The following GPC5 variants were observed in gnomAD, a reference collection of about 807,000 sequenced individuals.
GPC5 encodes glypican-5.
GPC5 carries 47 observed loss-of-function variants against 53.9 expected under a neutral mutation model. That is an observed-to-expected ratio of 0.87 (90% CI 0.69 to 1.11). The LOEUF is 1.11. Ranked by LOEUF, GPC5 falls within the 50% of genes most tolerant of loss-of-function variation. The pLI is 0.00. For missense variants in GPC5, 748 were observed against 713.1 expected (o/e 1.05, Z -0.56); for synonymous variants, 286 against 263.3 (o/e 1.09, Z -0.84).
intron 2 of GPC5, among the ~76,000 whole-genome samples, chr13:91,460,004 C>T (rs1228912998): frequency 6.6e-6 from 1 of 152,092 alleles, no homozygotes. Flanking sequence ...AATGCGATAG[C>T]ATTGTATAAA....
chr13:92,660,685 T>G (rs1213835110), intron 7 of GPC5, among the ~76,000 whole-genome samples: 2 of 152,086 alleles, frequency 1.3e-5, no homozygotes, highest in African/African-American at 4.8e-5. Context: ...TTTTGCATAT[T>G]GCATTTAGTT....
intron 7 of GPC5, among the ~76,000 whole-genome samples, chr13:92,793,926 C>A (rs937346055): frequency 6.6e-6 from 1 of 151,998 alleles, no homozygotes; most frequent in South Asian, 2.1e-4. Flanking sequence ...CAGGACCAGA[C>A]GGATTCACAG....
chr13:92,640,313 G>T (rs368673136), intron 7 of GPC5, among the ~76,000 whole-genome samples: 2 of 152,054 alleles, frequency 1.3e-5, no homozygotes, highest in East Asian at 1.9e-4. Flanking sequence ...AGGCTGGAGT[G>T]TAGTGGCGCG....
At chr13:91,569,218 G>C (rs367562061) in intron 2 of GPC5, among the ~76,000 whole-genome samples, 1 of 152,152 alleles carries the variant, frequency 6.6e-6, no homozygotes, top group Non-Finnish European at 1.5e-5. Context: ...AGTGTCACTT[G>C]AAATTAGTGA....
At chr13:92,356,626 C>CTA (rs1156498324) in intron 7 of GPC5, among the ~76,000 whole-genome samples, 2 of 152,020 alleles carry the variant, frequency 1.3e-5, no homozygotes, top group Admixed American at 1.3e-4. Flanking sequence ...TCAGATGACT[C>CTA]TATGGTATTC....
At chr13:92,685,473 T>A (rs1476892600) in intron 7 of GPC5, among the ~76,000 whole-genome samples, 3 of 151,942 alleles carry the variant, frequency 2.0e-5, no homozygotes, top group Non-Finnish European at 4.4e-5. Flanking sequence ...TAAGTTCTGA[T>A]GTCTGATAAG....
At chr13:92,127,238 A>G (rs2041705676) in intron 6 of GPC5, among the ~76,000 whole-genome samples, 1 of 151,188 alleles carries the variant, frequency 6.6e-6, no homozygotes, top group African/African-American at 2.5e-5. Context: ...TTGAACCAAA[A>G]GTAAACACTG....
At chr13:92,797,173 G>A (rs774219543) in intron 7 of GPC5, among the ~76,000 whole-genome samples, 1 of 151,820 alleles carries the variant, frequency 6.6e-6, no homozygotes, top group African/African-American at 2.4e-5. Context: ...TTCCATCTTG[G>A]TTTCTGATTA....
chr13:91,525,880 CA>C (rs1265313224), intron 2 of GPC5, among the ~76,000 whole-genome samples: 1 of 152,088 alleles, frequency 6.6e-6, no homozygotes, highest in African/African-American at 2.4e-5. Context: ...AATTTTATTA[CA>C]AAAATGATCC....
chr13:92,195,356 C>T (rs1282548663), intron 7 of GPC5, among the ~76,000 whole-genome samples: 2 of 152,160 alleles, frequency 1.3e-5, no homozygotes, highest in African/African-American at 4.8e-5. Flanking sequence ...AAGCTCCGTG[C>T]AAAGTGTGTC....
chr13:91,726,510 C>T (rs904121878), intron 3 of GPC5, among the ~76,000 whole-genome samples: 1 of 152,154 alleles, frequency 6.6e-6, no homozygotes. Flanking sequence ...CTGACTTACC[C>T]TTTAAATATA....
At chr13:91,532,254 T>C (rs1044499096) in intron 2 of GPC5, among the ~76,000 whole-genome samples, 2 of 152,186 alleles carry the variant, frequency 1.3e-5, no homozygotes, top group African/African-American at 2.4e-5. Flanking sequence ...AGGGAAGCAT[T>C]CAGCAGTTGG....
intron 1 of GPC5, among the ~76,000 whole-genome samples, chr13:91,443,590 AGACT>A (rs1566402769): frequency 6.6e-6 from 1 of 152,206 alleles, no homozygotes; most frequent in Non-Finnish European, 1.5e-5. Flanking sequence ...TGTTTTAGTC[AGACT>A]GTCATCTGAC....
In GPC5 at chr13:92,866,533, A is replaced by G; in HGVS notation, c.*94A>G. Reference sequence around the variant, plus strand: ...TAAGAGATCCTTTTTCAATGTAACAATTATATTTATGAAAAGATATGTTAC... The same window carrying G: ...TAAGAGATCCTTTTTCAATGTAACAGTTATATTTATGAAAAGATATGTTAC... On this transcript the variant is annotated 3_prime_UTR_variant, in exon 8 of 8. Coordinates refer to ENST00000377067, the MANE Select transcript of GPC5 (RefSeq NM_004466.6). 1 of 1,037,088 alleles carries G rather than the reference A, an allele frequency of 9.6e-7. No individual in the cohort carries two copies. The highest frequency in any genetic ancestry group is 2.9e-5 in the Admixed American group (1 of 34,928). 64.2% of individuals were successfully genotyped at this position (1,037,088 alleles called of 1,614,324 possible).
chr13:92,828,764 C>T (rs778210315), intron 7 of GPC5, among the ~76,000 whole-genome samples: 9 of 152,092 alleles, frequency 5.9e-5, no homozygotes, highest in African/African-American at 1.2e-4. Flanking sequence ...CATTCAAAGA[C>T]GTCCACTAAA....
intron 7 of GPC5, among the ~76,000 whole-genome samples, chr13:92,847,712 G>C (rs1878659021): frequency 6.6e-6 from 1 of 151,836 alleles, no homozygotes; most frequent in African/African-American, 2.4e-5. Flanking sequence ...TCTTTGTTGA[G>C]TGTGTTGTAT....
intron 2 of GPC5, among the ~76,000 whole-genome samples, chr13:91,496,461 G>A (rs575515817): frequency 1.3e-5 from 2 of 152,246 alleles, no homozygotes; most frequent in East Asian, 1.9e-4. Flanking sequence ...AAAAGAATGA[G>A]GTCATGTCAT....
chr13:92,446,461 C>T (rs1413091725), intron 7 of GPC5: 3 of 149,614 alleles, frequency 2.0e-5, no homozygotes, highest in Non-Finnish European at 4.4e-5. Flanking sequence ...GACAGGATAC[C>T]ATTCTTTTTT....
chr13:92,834,294 A>G (rs1008589051), intron 7 of GPC5, among the ~76,000 whole-genome samples: 1 of 152,158 alleles, frequency 6.6e-6, no homozygotes, highest in African/African-American at 2.4e-5. Context: ...AAAACTTTGC[A>G]TATTTTACTC....
Sources: allele counts gnomAD v4.1 joint callset (sites outside exome capture counted in the v4.1 genomes callset), GRCh38; gene constraint gnomAD v4.1.1; transcripts MANE v1.5; gene names NCBI Gene and HGNC (gene_info 2026-07-23, HGNC 2026-07-21).